Variants in TMTC2 observed in about 807,000 individuals in gnomAD.
The protein encoded by TMTC2 is protein O-mannosyl-transferase TMTC2.
TMTC2 carries 43 observed loss-of-function variants against 82.4 expected under a neutral mutation model. The ratio of observed to expected loss-of-function variants is 0.52; its 90% confidence interval spans 0.41 to 0.67. The LOEUF (loss-of-function observed/expected upper bound fraction) is 0.67, where lower values mean the gene tolerates loss of function less well. TMTC2 is among the 30% of genes least tolerant of loss of function. TMTC2 has a pLI of 0.00. For missense variants in TMTC2, 919 were observed against 1,012.4 expected (o/e 0.91, Z 1.25); for synonymous variants, 408 against 381.9 (o/e 1.07, Z -0.80).
chr12:83,088,268 A>G (rs376758745), intron 11 of TMTC2, among the ~76,000 whole-genome samples: 37 of 152,334 alleles, frequency 2.4e-4, no homozygotes, highest in African/African-American at 8.7e-4. Flanking sequence ...GGCTTAAGGG[A>G]ATTTTCCAGC....
chr12:82,742,445 G>C (rs1258220362), intron 1 of TMTC2, among the ~76,000 whole-genome samples: 3 of 151,786 alleles, frequency 2.0e-5, no homozygotes, highest in Admixed American at 2.0e-4. Context: ...TAACTGTATA[G>C]TGTTCAAATG....
intron 1 of TMTC2, among the ~76,000 whole-genome samples, chr12:82,792,554 C>T (rs575475420): frequency 3.9e-4 from 60 of 152,140 alleles, no homozygotes; most frequent in African/African-American, 1.3e-3. Context: ...GCAGCCTCAA[C>T]TTCCTGGGGT....
At chr12:82,720,666 C>G (rs898180296) in intron 1 of TMTC2, among the ~76,000 whole-genome samples, 1 of 152,194 alleles carries the variant, frequency 6.6e-6, no homozygotes, top group Non-Finnish European at 1.5e-5. Flanking sequence ...GCACTGTTTT[C>G]CAAAGTGACT....
At chr12:82,956,975 C>A (rs114805056) in intron 4 of TMTC2, among the ~76,000 whole-genome samples, 317 of 152,244 alleles carry the variant, frequency 2.1e-3, no homozygotes, top group African/African-American at 7.3e-3. Context: ...TTAGACAGAT[C>A]ATTGAGGCAG....
At chr12:82,996,418 T>C (rs1879619046) in intron 8 of TMTC2, among the ~76,000 whole-genome samples, 1 of 152,228 alleles carries the variant, frequency 6.6e-6, no homozygotes, top group Non-Finnish European at 1.5e-5. Context: ...TAGTAATTGA[T>C]TTCTTCTCAC....
At chr12:82,835,183 G>T (rs765758717) in intron 1 of TMTC2, among the ~76,000 whole-genome samples, 1 of 152,098 alleles carries the variant, frequency 6.6e-6, no homozygotes, top group Non-Finnish European at 1.5e-5. Flanking sequence ...ATTTTAACTC[G>T]TAGCTATTAT....
At chr12:82,733,699 TGAAGA>T (rs1351393888) in intron 1 of TMTC2, among the ~76,000 whole-genome samples, 3 of 152,132 alleles carry the variant, frequency 2.0e-5, no homozygotes, top group Non-Finnish European at 4.4e-5. Context: ...ACAATTGGAG[TGAAGA>T]GAAGTAAGGT....
intron 9 of TMTC2, among the ~76,000 whole-genome samples, chr12:83,043,966 G>A (rs1174075767): frequency 6.6e-6 from 1 of 152,092 alleles, no homozygotes; most frequent in African/African-American, 2.4e-5. Flanking sequence ...TTGATATCTG[G>A]ATTTTTTGTG....
chr12:82,768,638 A>G (rs1877115725), intron 1 of TMTC2, among the ~76,000 whole-genome samples: 2 of 151,902 alleles, frequency 1.3e-5, no homozygotes, highest in Non-Finnish European at 2.9e-5. Context: ...ATTAGGTTCC[A>G]TATTCAATAT....
rs569406272 is a variant in TMTC2 at position 82,696,230 on chromosome 12, A to G, written c.83+8561A>G. Among the ~76,000 whole-genome samples the G allele has an allele frequency of 3.9e-5, 6 of 152,344 alleles. No individual in the cohort carries two copies. The South Asian group carries it at 1.2e-3, about 32-fold the overall frequency. On this transcript the variant is annotated intron_variant, in intron 1 of 11. Coordinates refer to ENST00000321196, the MANE Select transcript of TMTC2 (RefSeq NM_152588.3). ...TTTTATTTGCAGAAATAGGCCCTTT[A>G]GAGGGAGGCAATTATTTATAGCTGA...
intron 9 of TMTC2, among the ~76,000 whole-genome samples, chr12:83,050,542 T>A (rs1882306930): frequency 6.6e-6 from 1 of 152,126 alleles, no homozygotes; most frequent in Non-Finnish European, 1.5e-5. Context: ...TGCATATTCA[T>A]CAATATGAAT....
At chr12:82,934,657 T>C (rs1296266794) in intron 4 of TMTC2, among the ~76,000 whole-genome samples, 1 of 152,228 alleles carries the variant, frequency 6.6e-6, no homozygotes, top group Admixed American at 6.5e-5. Flanking sequence ...GTTCCAAGTC[T>C]TTGCTATTGT....
At chr12:82,915,889 A>G (rs1346997514) in intron 3 of TMTC2, among the ~76,000 whole-genome samples, 1 of 152,196 alleles carries the variant, frequency 6.6e-6, no homozygotes, top group Non-Finnish European at 1.5e-5. Flanking sequence ...GGAAGACAAA[A>G]TCTATCATTG....
rs117777237 is a variant in TMTC2, at chr12:83,121,344, G to T, written c.2332-10866G>T. On this transcript the variant is annotated intron_variant, in intron 11 of 11. Transcript: ENST00000321196. ...TTCAGATTATTTTGTCCCATGGTGT[G>T]TTCCCTTGATGTAATACTCTCCCCC... is the stretch of plus-strand genomic sequence containing the variant. Among the ~76,000 whole-genome samples, 209 of 152,272 alleles carry T rather than the reference G, an allele frequency of 1.4e-3. No homozygotes were observed. The East Asian group carries it at 0.039, about 28-fold the overall frequency.
chr12:82,749,041 C>G (rs796379373), intron 1 of TMTC2, among the ~76,000 whole-genome samples: 8 of 152,292 alleles, frequency 5.3e-5, no homozygotes, highest in African/African-American at 1.9e-4. Context: ...ATGATATGTT[C>G]AGGTTTGATG....
At chr12:82,700,915 G>A (rs554920837) in intron 1 of TMTC2, among the ~76,000 whole-genome samples, 2 of 152,250 alleles carry the variant, frequency 1.3e-5, no homozygotes, top group South Asian at 2.1e-4. Flanking sequence ...GCAAAGGCAC[G>A]GCTTACATGG....
At chr12:82,906,623 A>T (rs1874326556) in intron 3 of TMTC2, among the ~76,000 whole-genome samples, 1 of 152,184 alleles carries the variant, frequency 6.6e-6, no homozygotes, top group Non-Finnish European at 1.5e-5. Flanking sequence ...CAGGAGGCGG[A>T]GGCTGCAGTG....
chr12:83,000,743 T>C (rs1204684786), intron 8 of TMTC2, among the ~76,000 whole-genome samples: 1 of 152,216 alleles, frequency 6.6e-6, no homozygotes, highest in East Asian at 1.9e-4. Flanking sequence ...ATTTCTCTTC[T>C]GCACTGCCCT....
intron 1 of TMTC2, among the ~76,000 whole-genome samples, chr12:82,819,334 C>T (rs1253114353): frequency 2.0e-5 from 3 of 151,952 alleles, no homozygotes; most frequent in African/African-American, 7.2e-5. Flanking sequence ...TCAGATCAAA[C>T]ATTTCTAATT....
Sources: gnomAD v4.1 joint callset for allele counts (sites outside exome capture counted in the v4.1 genomes callset) on GRCh38, gnomAD v4.1.1 for gene constraint, MANE v1.5 for transcripts, NCBI Gene and HGNC (gene_info 2026-07-23, HGNC 2026-07-21) for gene names.